SGCG: variants seen among roughly 807,000 people sequenced by gnomAD.
SGCG encodes gamma-sarcoglycan.
SGCG carries 26 observed loss-of-function variants against 29.3 expected under a neutral mutation model. The observed-to-expected ratio is 0.89, with a 90% confidence interval of 0.65 to 1.23. The LOEUF is 1.23. Among genes scored for constraint, SGCG ranks in the 50% most tolerant of loss-of-function variants. The pLI, the probability that SGCG is intolerant of heterozygous loss-of-function variation, is 0.00. For missense variants in SGCG, 353 were observed against 356.0 expected, an observed-to-expected ratio of 0.99 and a Z score of 0.07; for synonymous variants, 145 against 129.7, an observed-to-expected ratio of 1.12 and a Z score of -0.80.
intron 2 of SGCG, among the ~76,000 whole-genome samples, chr13:23,221,327 T>G (rs1878647251): frequency 6.6e-6 from 1 of 152,186 alleles, no homozygotes; most frequent in Non-Finnish European, 1.5e-5. Context: ...AAGTTAAAAG[T>G]TTTTTTGAAT....
intron 2 of SGCG, among the ~76,000 whole-genome samples, chr13:23,208,337 C>T (rs1156878934): frequency 2.0e-5 from 3 of 152,092 alleles, no homozygotes; most frequent in African/African-American, 7.2e-5. Context: ...TGCAACACCT[C>T]ATCATACTTT....
At chr13:23,234,799 T>A in intron 3 of SGCG, 87 bp downstream of exon 3, 1 of 925,338 alleles carries the variant, frequency 1.1e-6, no homozygotes, top group Non-Finnish European at 1.8e-6. Context: ...TTAGAGAAGA[T>A]TTTTAAAGCG....
chr13:23,300,359 C>G (rs1343791844), intron 6 of SGCG, among the ~76,000 whole-genome samples: 1 of 152,188 alleles, frequency 6.6e-6, no homozygotes, highest in Non-Finnish European at 1.5e-5. Context: ...CTAAGCTACT[C>G]ATAGAGAAAT....
chr13:23,179,164 A>G (rs994411531), upstream of SGCG, among the ~76,000 whole-genome samples: 7 of 152,230 alleles, frequency 4.6e-5, no homozygotes, highest in Non-Finnish European at 1.0e-4. Flanking sequence ...TTAAAGTATT[A>G]TGATTCCTTT....
the SGCG span, among the ~76,000 whole-genome samples, chr13:23,168,273 C>T: frequency 6.6e-6 from 1 of 152,082 alleles, no homozygotes. Context: ...TCCTAGTGAT[C>T]CTATTTATTC....
chr13:23,177,633 G>A (rs1280512161), upstream of SGCG, among the ~76,000 whole-genome samples: 1 of 137,788 alleles, frequency 7.3e-6, no homozygotes, highest in Non-Finnish European at 1.5e-5. Context: ...GTGCAGTGGT[G>A]TGATCTCGGC....
chr13:23,190,031 A>G (rs1877175874), intron 1 of SGCG, among the ~76,000 whole-genome samples: 1 of 152,102 alleles, frequency 6.6e-6, no homozygotes, highest in Admixed American at 6.6e-5. Flanking sequence ...ATATTCTGCT[A>G]TCAAACTATT....
chr13:23,228,264 T>C (rs1400755101), intron 2 of SGCG, among the ~76,000 whole-genome samples: 2 of 152,230 alleles, frequency 1.3e-5, no homozygotes, highest in Non-Finnish European at 2.9e-5. Flanking sequence ...AAATTACACC[T>C]GAATTTGTCC....
intron 5 of SGCG, among the ~76,000 whole-genome samples, chr13:23,283,125 T>C (rs2137623845): frequency 6.6e-6 from 1 of 152,312 alleles, no homozygotes; most frequent in South Asian, 2.1e-4. Flanking sequence ...TGTAGATGTC[T>C]ATTAGGTCTG....
chr13:23,304,836 C>T (rs925176965), intron 6 of SGCG, among the ~76,000 whole-genome samples: 1 of 152,144 alleles, frequency 6.6e-6, no homozygotes, highest in Non-Finnish European at 1.5e-5. Context: ...GCCATGTTGG[C>T]CAGGCTGGTC....
At chr13:23,252,803 G>C (rs1235904710) in intron 4 of SGCG, among the ~76,000 whole-genome samples, 1 of 152,114 alleles carries the variant, frequency 6.6e-6, no homozygotes, top group Non-Finnish European at 1.5e-5. Context: ...AGGGAATTTA[G>C]ATATAATATA....
At chr13:23,188,932 T>C (rs1034361943) in intron 1 of SGCG, among the ~76,000 whole-genome samples, 1 of 152,156 alleles carries the variant, frequency 6.6e-6, no homozygotes, top group African/African-American at 2.4e-5. Context: ...TTGAGGCAGA[T>C]CACTTTCATT....
Position 23,234,571 on chromosome 13 carries a change from A to C in SGCG, c.196-40A>C, listed in dbSNP as rs1282930952. 3.7e-6 allele frequency: 5 copies of C among 1,346,712 alleles called. No individual in the cohort carries two copies. In the East Asian group the frequency reaches 9.2e-5, roughly 25 times the overall value. The allele number at this position is 1,346,712 out of a possible 1,614,324, so 83.4% of individuals were successfully genotyped here. A position where few individuals can be genotyped will look rare whatever the true frequency, so the allele number is the denominator to read the frequency against. ...TATTAAGAGGAATGAAAAAGCAAGC[A>C]ATAAAAATATACGCATTGTCTCTTT... On this transcript the variant is annotated intron_variant, in intron 2 of 7. Transcript: ENST00000218867.
At chr13:23,178,736 C>T (rs903576670), upstream of SGCG, among the ~76,000 whole-genome samples, 1 of 152,120 alleles carries the variant, frequency 6.6e-6, no homozygotes, top group Non-Finnish European at 1.5e-5. Context: ...TACTTCATCT[C>T]AAAATAGAAA....
chr13:23,166,666 T>G, the SGCG span, among the ~76,000 whole-genome samples: 1 of 152,234 alleles, frequency 6.6e-6, no homozygotes, highest in Non-Finnish European at 1.5e-5. Flanking sequence ...CTGAGTTTCT[T>G]GTGTGCCAGA....
At chr13:23,278,122 C>T (rs1160408317) in intron 4 of SGCG, among the ~76,000 whole-genome samples, 3 of 152,094 alleles carry the variant, frequency 2.0e-5, no homozygotes, top group African/African-American at 4.8e-5. Context: ...GTGTGAGCCA[C>T]TGTGCCCAGC....
At chr13:23,238,077 G>T (rs935011017) in intron 3 of SGCG, among the ~76,000 whole-genome samples, 1 of 152,118 alleles carries the variant, frequency 6.6e-6, no homozygotes, top group Admixed American at 6.6e-5. Context: ...ATTGGACAAT[G>T]GGCAGCTCAG....
chr13:23,254,330 T>G (rs1009712593), intron 4 of SGCG, among the ~76,000 whole-genome samples: 22 of 152,132 alleles, frequency 1.4e-4, no homozygotes, highest in African/African-American at 5.3e-4. Flanking sequence ...AAACATCACC[T>G]GTGTAATGCC....
Position 23,305,881 on chromosome 13 carries a change from G to A in SGCG, c.578+10394G>A, listed in dbSNP as rs573534286. Among the ~76,000 whole-genome samples, 106 of 152,250 alleles carry A rather than the reference G, an allele frequency of 7.0e-4. 3 individuals carry two copies. The South Asian group carries it at 7.9e-3, about 11-fold the overall frequency. ...TCATACACATAACTCATATTAGTCT[G>A]CATTTCTTTTTGTTCTTGCTCTGCT... On this transcript the variant is annotated intron_variant, in intron 6 of 7. Coordinates refer to ENST00000218867, the MANE Select transcript of SGCG (RefSeq NM_000231.3).
Sources: allele counts gnomAD v4.1 joint callset (sites outside exome capture counted in the v4.1 genomes callset), GRCh38; gene constraint gnomAD v4.1.1; transcripts MANE v1.5; gene names NCBI Gene and HGNC (gene_info 2026-07-23, HGNC 2026-07-21).